The following PPP1R9A variants were observed in gnomAD, a reference collection of about 807,000 sequenced individuals.
PPP1R9A encodes protein phosphatase 1 regulatory subunit 9A.
PPP1R9A carries 59 observed loss-of-function variants against 141.9 expected under a neutral mutation model. That is an observed-to-expected ratio of 0.42 (90% CI 0.34 to 0.52). PPP1R9A has a LOEUF of 0.52. Among genes scored for constraint, PPP1R9A ranks in the 20% least tolerant of loss-of-function variants. PPP1R9A has a pLI of 0.10. For synonymous variants in PPP1R9A, 500 were observed against 569.7 expected, an observed-to-expected ratio of 0.88 and a Z score of 1.74; for missense variants, 1,444 against 1,611.9, an observed-to-expected ratio of 0.90 and a Z score of 1.78.
chr7:94,917,850 G>A (rs537848448), intron 2 of PPP1R9A, among the ~76,000 whole-genome samples: 2 of 152,238 alleles, frequency 1.3e-5, no homozygotes, highest in East Asian at 1.9e-4. Flanking sequence ...TCCATGTGTC[G>A]TTTACCTTGT....
At chr7:95,195,750 G>C (rs534928303) in intron 5 of PPP1R9A, among the ~76,000 whole-genome samples, 1 of 151,924 alleles carries the variant, frequency 6.6e-6, no homozygotes. Context: ...ACAAGGATAT[G>C]TGTCAAGAAT....
chr7:95,283,930 C>A, intron 16 of PPP1R9A, 88 bp from the exon 17 acceptor site: 2 of 1,172,138 alleles, frequency 1.7e-6, no homozygotes, highest in Non-Finnish European at 1.2e-6. Context: ...CAAATTGTTA[C>A]TTCAAACTAT....
rs1801772594 is a variant in PPP1R9A, at chr7:95,269,209, A to G, written c.2826A>G (p.Pro942=). 2.0e-6 allele frequency: 3 copies of G among 1,525,086 alleles called. No individual in the cohort carries two copies. Among genetic ancestry groups the G allele is most frequent in the Admixed American group, 1.7e-5 (1 of 58,902 alleles). The allele number at this position is 1,525,086 out of a possible 1,614,324, so 94.5% of individuals were successfully genotyped here. A position where few individuals can be genotyped will look rare whatever the true frequency, so the allele number is the denominator to read the frequency against. The change falls in exon 14 of 20, where the codon CCA becomes CCG. Residue 942 remains proline (P), a splice_region_variant and synonymous_variant. Coordinates refer to ENST00000433360, the MANE Select transcript of PPP1R9A (RefSeq NM_001166160.2). ...TDGEDSLERK[P]SNSFYNHMHI... ...CTTATAATCTCTTATACCAACAGCC[A>G]TCAAACAGTTTCTATAACCACATGC... is the stretch of plus-strand genomic sequence containing the variant.
intron 2 of PPP1R9A, among the ~76,000 whole-genome samples, chr7:94,922,361 A>G (rs1399167904): frequency 1.3e-5 from 2 of 151,912 alleles, no homozygotes; most frequent in African/African-American, 4.8e-5. Context: ...TACTTGATAT[A>G]TTGTTGAGAT....
At position 95,269,257 on chromosome 7, in the gene PPP1R9A, T is replaced by C; in HGVS notation, c.2874T>C (p.Pro958=). The C allele has an allele frequency of 6.4e-7, 1 of 1,571,844 alleles. No homozygotes were observed. Among genetic ancestry groups the C allele is most frequent in the South Asian group, 1.1e-5 (1 of 90,414 alleles). ...TGCATATTACCAAATTACTTCCACCTAAGGGTTTGAGAACGTCTTCTCCAG... is the reference window on the plus strand; with the variant it reads ...TGCATATTACCAAATTACTTCCACCCAAGGGTTTGAGAACGTCTTCTCCAG... The part of the protein sequence containing the change: ...NHMHITKLLP[P]KGLRTSSPES... The change falls in exon 14 of 20, where the codon CCT becomes CCC. Residue 958 remains proline (P), a synonymous_variant. Transcript: ENST00000433360.
intron 7 of PPP1R9A, among the ~76,000 whole-genome samples, chr7:95,205,337 T>C (rs1213809564): frequency 6.6e-6 from 1 of 152,236 alleles, no homozygotes; most frequent in Non-Finnish European, 1.5e-5. Context: ...TATCAAATTC[T>C]TCCATGTAAT....
chr7:95,162,948 C>G (rs777303189), intron 5 of PPP1R9A, among the ~76,000 whole-genome samples: 2 of 152,070 alleles, frequency 1.3e-5, no homozygotes, highest in Non-Finnish European at 2.9e-5. Flanking sequence ...TCTAGAATAT[C>G]CACAGTCCTG....
At chr7:95,229,192 G>A (rs1265836868) in intron 8 of PPP1R9A, among the ~76,000 whole-genome samples, 3 of 151,938 alleles carry the variant, frequency 2.0e-5, no homozygotes, top group African/African-American at 4.8e-5. Flanking sequence ...AGAACAGCAT[G>A]TGGAGACTCA....
intron 18 of PPP1R9A, chr7:95,287,042 T>C (rs912213190): frequency 6.0e-6 from 9 of 1,488,906 alleles, no homozygotes; most frequent in Admixed American, 3.3e-5. Flanking sequence ...AATTATGTAC[T>C]ATATATGTTG....
intron 7 of PPP1R9A, among the ~76,000 whole-genome samples, chr7:95,206,332 T>G (rs1790784823): frequency 6.6e-6 from 1 of 152,198 alleles, no homozygotes; most frequent in Non-Finnish European, 1.5e-5. Flanking sequence ...TTCTGAAGTT[T>G]CAGTTCCTAA....
chr7:94,977,651 C>T (rs988656606), intron 2 of PPP1R9A, among the ~76,000 whole-genome samples: 18 of 151,960 alleles, frequency 1.2e-4, no homozygotes, highest in Admixed American at 2.0e-4. Flanking sequence ...CAATGAGTTC[C>T]TGAGAGGATG....
intron 4 of PPP1R9A, among the ~76,000 whole-genome samples, chr7:95,151,128 T>A (rs1471180821): frequency 6.6e-6 from 1 of 152,204 alleles, no homozygotes; most frequent in Non-Finnish European, 1.5e-5. Context: ...AAACACACTC[T>A]CATGATCTGA....
At chr7:94,950,598 G>A (rs1334808460) in intron 2 of PPP1R9A, among the ~76,000 whole-genome samples, 6 of 151,742 alleles carry the variant, frequency 4.0e-5, no homozygotes, top group African/African-American at 7.3e-5. Context: ...TGAATTTTCC[G>A]GTCCTTGGCT....
chr7:95,255,935 G>A (rs1425966466), intron 12 of PPP1R9A, among the ~76,000 whole-genome samples: 2 of 152,054 alleles, frequency 1.3e-5, no homozygotes, highest in Non-Finnish European at 2.9e-5. Flanking sequence ...GTTTGTAAAT[G>A]TGATTCAAGG....
intron 2 of PPP1R9A, among the ~76,000 whole-genome samples, chr7:94,914,116 A>G (rs952320121): frequency 1.4e-4 from 21 of 152,184 alleles, no homozygotes; most frequent in Non-Finnish European, 4.4e-5. Flanking sequence ...TTTTCCTTTG[A>G]AGCTTAAACA....
intron 2 of PPP1R9A, among the ~76,000 whole-genome samples, chr7:95,067,955 A>G (rs1335958280): frequency 6.6e-6 from 1 of 151,912 alleles, no homozygotes; most frequent in African/African-American, 2.4e-5. Context: ...TTACAGTCAA[A>G]CTATGAAACA....
chr7:95,145,646 C>T (rs1827473906), intron 4 of PPP1R9A, among the ~76,000 whole-genome samples: 1 of 152,178 alleles, frequency 6.6e-6, no homozygotes, highest in African/African-American at 2.4e-5. Context: ...TGGCGGCTCA[C>T]ACCTGTAATC....
intron 2 of PPP1R9A, among the ~76,000 whole-genome samples, chr7:94,986,714 C>T (rs912204023): frequency 1.3e-5 from 2 of 152,160 alleles, no homozygotes; most frequent in Admixed American, 6.5e-5. Flanking sequence ...TGAAATAGCA[C>T]ACTGTATTCC....
chr7:94,912,035 CTAGT>C (rs1280400395), intron 2 of PPP1R9A, among the ~76,000 whole-genome samples: 1 of 151,966 alleles, frequency 6.6e-6, no homozygotes, highest in East Asian at 1.9e-4. Flanking sequence ...GGGGGTACTG[CTAGT>C]TGGTGGTGAA....
Sources: allele counts gnomAD v4.1 joint callset (sites outside exome capture counted in the v4.1 genomes callset), GRCh38; gene constraint gnomAD v4.1.1; transcripts MANE v1.5; gene names NCBI Gene and HGNC (gene_info 2026-07-23, HGNC 2026-07-21).